The following MYO9A variants were observed in gnomAD, a reference collection of about 807,000 sequenced individuals.
MYO9A encodes myosin IXA, also known as unconventional myosin-IXa.
MYO9A carries 103 observed loss-of-function variants against 293.3 expected under a neutral mutation model. That is an observed-to-expected ratio of 0.35 (90% CI 0.30 to 0.41). The LOEUF (loss-of-function observed/expected upper bound fraction) is 0.41. Among genes scored for constraint, MYO9A ranks in the 10% least tolerant of loss-of-function variants. The pLI is 1.00. For missense variants in MYO9A, 2,685 were observed against 3,033.0 expected (o/e 0.89, Z 2.69); for synonymous variants, 1,001 against 1,035.7 (o/e 0.97, Z 0.64).
chr15:72,009,573 G>C (rs558553051), intron 7 of MYO9A, among the ~76,000 whole-genome samples: 1 of 152,010 alleles, frequency 6.6e-6, no homozygotes, highest in East Asian at 1.9e-4. Context: ...AATTAGCTGA[G>C]TGTGATGGTA....
In MYO9A at chr15:71,822,501, G is replaced by A. The variant is rs573493049; in HGVS notation, c.*4079C>T. 5 of 152,004 alleles carry A rather than the reference G, an allele frequency of 3.3e-5. No homozygotes were observed. Among genetic ancestry groups the A allele is most frequent in the South Asian group, 4.2e-4 (2 of 4,808 alleles). 9.4% of individuals were successfully genotyped at this position (152,004 alleles called of 1,614,324 possible). On this transcript the variant is annotated 3_prime_UTR_variant, in exon 42 of 42. Transcript: ENST00000356056. Reference sequence around the variant, plus strand: ...TTGCATCCGGAATGTAATCAGTTCCGTGGGTGAGATAAATCATTCTTCTTA... The same window carrying A: ...TTGCATCCGGAATGTAATCAGTTCCATGGGTGAGATAAATCATTCTTCTTA...
chr15:72,066,484 CA>C (rs369900151), intron 1 of MYO9A, among the ~76,000 whole-genome samples: 3,891 of 88,608 alleles, frequency 0.044, 115 homozygotes, highest in East Asian at 0.19. Flanking sequence ...GACTTGGTCT[CA>C]AAAAAAAAAA....
At chr15:72,076,284 G>A (rs866095091) in intron 1 of MYO9A, among the ~76,000 whole-genome samples, 9 of 145,040 alleles carry the variant, frequency 6.2e-5, no homozygotes, top group South Asian at 2.2e-4. Context: ...CAGCCTGGGC[G>A]ACAGAGTGAG....
At chr15:71,972,149 G>A (rs954222522) in intron 12 of MYO9A, 1 of 151,990 alleles carries the variant, frequency 6.6e-6, no homozygotes, top group Non-Finnish European at 1.5e-5. Flanking sequence ...TTCTACACAG[G>A]GTCAATAGTG....
rs183004939 is a variant in MYO9A, at chr15:71,860,236, T to C, written c.6092-440A>G. Among the ~76,000 whole-genome samples, 35 of 152,244 alleles carry C rather than the reference T, an allele frequency of 2.3e-4. No individual in the cohort carries two copies. The East Asian group carries it at 5.4e-3, about 23-fold the overall frequency. On this transcript the variant is annotated intron_variant, in intron 33 of 41. Transcript: ENST00000356056. ...ATAAGGAAGGCATTACTGTCAAAGA[T>C]CCCTCCTGAAATGAAAACTAATTGG...
chr15:71,893,280 T>G, intron 26 of MYO9A: 1 of 918,768 alleles, frequency 1.1e-6, no homozygotes, highest in Non-Finnish European at 1.4e-6. Context: ...ATGAATTTCT[T>G]GAAATATCCC....
intron 39 of MYO9A, among the ~76,000 whole-genome samples, chr15:71,840,380 T>C (rs1029736568): frequency 1.4e-4 from 22 of 152,286 alleles, no homozygotes; most frequent in African/African-American, 4.3e-4. Context: ...ACGAGGATGA[T>C]CTTAGGCTCT....
Position 72,027,806 on chromosome 15 carries a change from T to A in MYO9A, c.936-13A>T. ...TTCAACATAGGCACTACAAGAAAAA[T>A]TAAATTGGTTGATATAAATAATAAA... On this transcript the variant is annotated splice_polypyrimidine_tract_variant and intron_variant, in intron 3 of 41. Transcript: ENST00000356056. The A allele has an allele frequency of 1.3e-6, 2 of 1,577,892 alleles. No individual in the cohort carries two copies. The highest frequency in any genetic ancestry group is 1.1e-5 in the South Asian group (1 of 87,602).
intron 41 of MYO9A, 105 bp downstream of exon 41, chr15:71,827,779 G>T: frequency 1.6e-6 from 2 of 1,260,988 alleles, no homozygotes; most frequent in Non-Finnish European, 2.2e-6. Context: ...TGTTATTGCT[G>T]ATGTACAGTC....
intron 15 of MYO9A, among the ~76,000 whole-genome samples, chr15:71,950,707 A>G (rs752751171): frequency 6.6e-6 from 1 of 152,246 alleles, no homozygotes; most frequent in Non-Finnish European, 1.5e-5. Flanking sequence ...CCAAGACAGC[A>G]ATGGCAATTG....
chr15:71,943,304 G>C (rs2058825565), intron 15 of MYO9A, among the ~76,000 whole-genome samples: 1 of 151,868 alleles, frequency 6.6e-6, no homozygotes, highest in Admixed American at 6.6e-5. Context: ...TCCTAAACTT[G>C]AAAAGATTAT....
chr15:71,925,434 T>C (rs936320414), intron 18 of MYO9A, among the ~76,000 whole-genome samples: 7 of 151,494 alleles, frequency 4.6e-5, no homozygotes, highest in Admixed American at 6.6e-5. Flanking sequence ...TATATATAGA[T>C]ACGTATATAC....
intron 1 of MYO9A, among the ~76,000 whole-genome samples, chr15:72,104,862 G>C (rs1266554686): frequency 6.6e-6 from 1 of 152,184 alleles, no homozygotes; most frequent in Non-Finnish European, 1.5e-5. Flanking sequence ...AAAGGTTAAA[G>C]TTAAGGGGAA....
intron 14 of MYO9A, among the ~76,000 whole-genome samples, chr15:71,952,428 T>C (rs568671037): frequency 5.4e-4 from 82 of 152,304 alleles, no homozygotes; most frequent in African/African-American, 1.9e-3. Flanking sequence ...AGCACTTCTG[T>C]ACTTATAAAT....
intron 26 of MYO9A, chr15:71,892,915 T>C: frequency 9.0e-7 from 1 of 1,110,280 alleles, no homozygotes; most frequent in Non-Finnish European, 1.2e-6. Flanking sequence ...TAGCAAAGAC[T>C]ATTTCCATCA....
At chr15:71,882,712 C>T (rs1414267116) in intron 28 of MYO9A, among the ~76,000 whole-genome samples, 2 of 152,322 alleles carry the variant, frequency 1.3e-5, no homozygotes, top group East Asian at 3.9e-4. Context: ...ATATACAACA[C>T]AGTGGTTAAG....
At chr15:72,014,991 G>A (rs1169653083) in intron 6 of MYO9A, among the ~76,000 whole-genome samples, 2 of 148,396 alleles carry the variant, frequency 1.3e-5, no homozygotes, top group East Asian at 2.0e-4. Context: ...CTACAGGCAC[G>A]TATCACCACG....
intron 3 of MYO9A, among the ~76,000 whole-genome samples, chr15:72,028,218 A>AATAAATAAATAAATATAT (rs1555408276): frequency 2.2e-5 from 3 of 134,256 alleles, no homozygotes; most frequent in African/African-American, 8.2e-5. Context: ...TAAATAAATA[A>AATAAATAAATAAATATAT]ATATATATAT....
chr15:71,976,132 G>T (rs536844805), intron 12 of MYO9A, among the ~76,000 whole-genome samples: 3 of 152,272 alleles, frequency 2.0e-5, no homozygotes, highest in African/African-American at 7.2e-5. Flanking sequence ...CCCTCGATCT[G>T]TGGGATCTGA....
Sources: gnomAD v4.1 joint callset for allele counts (sites outside exome capture counted in the v4.1 genomes callset) on GRCh38, gnomAD v4.1.1 for gene constraint, MANE v1.5 for transcripts, NCBI Gene and HGNC (gene_info 2026-07-23, HGNC 2026-07-21) for gene names.